The following GALNT9 variants were observed in gnomAD, a reference collection of about 807,000 sequenced individuals.
GALNT9 encodes GalNAc transferase 9.
A neutral mutation model predicts 63.1 loss-of-function variants in GALNT9; 47 were observed. The observed-to-expected ratio is 0.75, with a 90% CI of 0.59 to 0.95. The LOEUF is 0.95. Among genes scored for constraint, GALNT9 ranks in the 40% least tolerant of loss-of-function variants. The pLI is 0.00. For missense variants in GALNT9, 829 were observed against 874.8 expected (o/e 0.95, Z 0.66); for synonymous variants, 396 against 365.7 (o/e 1.08, Z -0.94).
At chr12:132,224,559 C>CAT (rs2135522110) in intron 6 of GALNT9, among the ~76,000 whole-genome samples, 1 of 147,514 alleles carries the variant, frequency 6.8e-6, no homozygotes, top group African/African-American at 2.5e-5. Context: ...CCACACCCCA[C>CAT]ACAACCCACA....
rs1397021632 is a variant in GALNT9 at position 132,267,926 on chromosome 12, CAT to C, written c.420-5303_420-5302del. Among the ~76,000 whole-genome samples the C allele has an allele frequency of 6.6e-5, 10 of 150,732 alleles. No homozygotes were observed. The South Asian group carries it at 1.3e-3, about 19-fold the overall frequency. ...ACACAAATCCACATGCACTCACACA[CAT>C]GCACACACACACGCACTCACATACA... On this transcript the variant is annotated intron_variant, in intron 2 of 10. Coordinates refer to ENST00000328957, the MANE Select transcript of GALNT9 (RefSeq NM_001122636.2).
rs371397249 is a variant in GALNT9, at chr12:132,298,464, AC to A, written c.239-12035del. On this transcript the variant is annotated intron_variant, in intron 1 of 10. Transcript: ENST00000328957. Reference sequence around the variant, plus strand: ...AACTAACCTGCTCCCACCATACCTAACCCACCCGAGATAACCAAACCACTCC... The same window carrying A: ...AACTAACCTGCTCCCACCATACCTAACCACCCGAGATAACCAAACCACTCC... Among the ~76,000 whole-genome samples the A allele has an allele frequency of 7.9e-4, 117 of 148,796 alleles. No individual in the cohort carries two copies. In the East Asian group the frequency reaches 8.8e-3, roughly 11 times the overall value.
chr12:132,197,826 G>A lies in GALNT9; in HGVS notation c.1631C>T (p.Ala544Val), dbSNP rs778169495. The change falls in exon 10 of 11, where the codon GCG becomes GTG. Residue 544 changes from alanine to valine, a missense_variant. Physicochemically the swap from Ala to Val is moderately conservative, Grantham distance 64. Transcript: ENST00000328957. Reference sequence around the variant, plus strand: ...GTCCCACAGCCGCTGTGTTGGCCGCGCCACATCCTCACACTTCTTCAGGGT... The same window carrying A: ...GTCCCACAGCCGCTGTGTTGGCCGCACCACATCCTCACACTTCTTCAGGGT... ...MPTLKKCEDV[A>V]RPTQRLWDFT... 8 of 1,586,906 alleles carry A rather than the reference G, an allele frequency of 5.0e-6. No individual in the cohort carries two copies. In the East Asian group the frequency reaches 6.9e-5, roughly 14 times the overall value.
chr12:132,299,146 ACCCACCCCCAACACACC>A (rs1555243577), intron 1 of GALNT9, among the ~76,000 whole-genome samples: 1 of 92,682 alleles, frequency 1.1e-5, no homozygotes, highest in African/African-American at 5.0e-5. Flanking sequence ...ACCACACCTA[ACCCACCCCCAACACACC>A]TAACCCACCC....
chr12:132,303,161 C>A (rs1881373495), intron 1 of GALNT9, among the ~76,000 whole-genome samples: 1 of 152,092 alleles, frequency 6.6e-6, no homozygotes, highest in South Asian at 2.1e-4. Context: ...GTGGCCTTCA[C>A]CCGGTAGTCC....
intron 1 of GALNT9, among the ~76,000 whole-genome samples, chr12:132,297,031 T>C (rs1265020879): frequency 6.7e-6 from 1 of 149,994 alleles, no homozygotes; most frequent in African/African-American, 2.5e-5. Context: ...ACTCCTGAGA[T>C]ACCCAAACTC....
intron 5 of GALNT9, among the ~76,000 whole-genome samples, chr12:132,250,784 C>T (rs1460446138): frequency 7.0e-6 from 1 of 141,982 alleles, no homozygotes; most frequent in Non-Finnish European, 1.5e-5. Flanking sequence ...GAGGGGATTC[C>T]GTCTCAAACG....
intron 6 of GALNT9, among the ~76,000 whole-genome samples, chr12:132,203,944 G>A (rs911129255): frequency 1.8e-4 from 27 of 152,090 alleles, no homozygotes; most frequent in African/African-American, 6.5e-4. Context: ...CGATGGCTGT[G>A]GGGAGGGGGG....
At position 132,319,796 on chromosome 12, in the gene GALNT9, G is replaced by A. The variant is rs569850012; in HGVS notation, c.238+9170C>T. Among the ~76,000 whole-genome samples, 183 of 152,252 alleles carry A rather than the reference G, an allele frequency of 1.2e-3. No homozygotes were observed. Among genetic ancestry groups the A allele is most frequent in the African/African-American group, 4.0e-3 (166 of 41,540 alleles). On this transcript the variant is annotated intron_variant, in intron 1 of 10. Coordinates refer to ENST00000328957, the MANE Select transcript of GALNT9 (RefSeq NM_001122636.2). The surrounding 1 kb of genome is among the most constrained non-coding windows in gnomAD (Gnocchi z 5.2). Reference sequence around the variant, plus strand: ...CCCACGTAGACAGAAGACATTCCTCGGGCCTGGGTGCCCAGCCTCCCGCGT... The same window carrying A: ...CCCACGTAGACAGAAGACATTCCTCAGGCCTGGGTGCCCAGCCTCCCGCGT...
At chr12:132,214,801 C>T (rs10902516) in intron 6 of GALNT9, among the ~76,000 whole-genome samples, 85,580 of 152,132 alleles carry the variant, frequency 0.56, 24,385 homozygotes, top group East Asian at 0.72. Context: ...TCCTGAATAA[C>T]GATAAAGCCA....
intron 6 of GALNT9, among the ~76,000 whole-genome samples, chr12:132,239,311 C>T (rs1210029602): frequency 3.8e-5 from 3 of 79,958 alleles, no homozygotes; most frequent in East Asian, 8.2e-4. Flanking sequence ...GAGACACACA[C>T]TGAGAGACTG....
chr12:132,326,959 T>A (rs1869062820), intron 1 of GALNT9, among the ~76,000 whole-genome samples: 1 of 152,026 alleles, frequency 6.6e-6, no homozygotes, highest in Non-Finnish European at 1.5e-5. Flanking sequence ...AATTTTGGTG[T>A]CTCCCATCAT....
chr12:132,203,662 ACCTCCATGCTG>A lies in GALNT9; in HGVS notation c.1095_1105del (p.Ser366AlafsTer21). The A allele has an allele frequency of 6.2e-7, 1 of 1,613,124 alleles. No homozygotes were observed. The highest frequency in any genetic ancestry group is 8.5e-7 in the Non-Finnish European group (1 of 1,179,712). On this transcript the variant is annotated frameshift_variant, in exon 7 of 11. Coordinates refer to ENST00000328957, the MANE Select transcript of GALNT9 (RefSeq NM_001122636.2). LOFTEE classifies it high-confidence loss of function. ...GTGGGCCACGCGGGAGCAGGGCAGC[ACCTCCATGCTG>A]CCGCCACACTGCCACACCTGCGGGG...
chr12:132,240,616 C>T (rs2136898879), intron 6 of GALNT9: 5 of 455,418 alleles, frequency 1.1e-5, no homozygotes, highest in Admixed American at 9.4e-5. Flanking sequence ...GGCCCCGGGG[C>T]TCGGCTGTGC....
chr12:132,198,076 G>T, intron 9 of GALNT9, 117 bp from the exon 10 acceptor site: 2 of 830,768 alleles, frequency 2.4e-6, no homozygotes, highest in Non-Finnish European at 3.7e-6. Context: ...GGCTGCCTTG[G>T]AGCCTCCCAC....
intron 1 of GALNT9, among the ~76,000 whole-genome samples, chr12:132,290,724 G>A (rs1398953626): frequency 8.3e-5 from 6 of 72,360 alleles, no homozygotes; most frequent in African/African-American, 3.4e-4. Flanking sequence ...CATCACCCAC[G>A]TCCATAGCAC....
intron 1 of GALNT9, among the ~76,000 whole-genome samples, chr12:132,313,731 T>G (rs1423319913): frequency 1.2e-5 from 1 of 85,764 alleles, no homozygotes; most frequent in Non-Finnish European, 2.2e-5. Flanking sequence ...TCCATCCACC[T>G]GCCTACTCAT....
chr12:132,312,405 C>A (rs1881845169), intron 1 of GALNT9, among the ~76,000 whole-genome samples: 1 of 152,216 alleles, frequency 6.6e-6, no homozygotes, highest in Non-Finnish European at 1.5e-5. Flanking sequence ...TAAATGCCAA[C>A]CTGACCCAGG....
chr12:132,302,218 G>A (rs568293197), intron 1 of GALNT9, among the ~76,000 whole-genome samples: 50 of 117,262 alleles, frequency 4.3e-4, no homozygotes, highest in African/African-American at 1.6e-3. Flanking sequence ...AATGCTTTTG[G>A]TAGAAAATTC....
Sources: gnomAD v4.1 joint callset for allele counts (sites outside exome capture counted in the v4.1 genomes callset) on GRCh38, gnomAD v4.1.1 for gene constraint, Gnocchi (gnomAD v3.1) non-coding constraint, MANE v1.5 for transcripts, NCBI Gene and HGNC (gene_info 2026-07-23, HGNC 2026-07-21) for gene names.